The following ARHGEF4 variants were observed in gnomAD, a reference collection of about 807,000 sequenced individuals.
The protein encoded by ARHGEF4 is APC-stimulated guanine nucleotide exchange factor 1.
A neutral mutation model predicts 162.0 loss-of-function variants in ARHGEF4; 119 were observed. The observed-to-expected ratio is 0.73, with a 90% CI of 0.63 to 0.86. ARHGEF4 has a LOEUF of 0.86. Among genes scored for constraint, ARHGEF4 ranks in the 40% least tolerant of loss-of-function variants. ARHGEF4 has a pLI of 0.00. For synonymous variants in ARHGEF4, 1,014 were observed against 979.9 expected (o/e 1.03, Z -0.65); for missense variants, 2,488 against 2,456.0 (o/e 1.01, Z -0.28).
At chr2:130,884,323 C>T (rs1215951054) in intron 1 of ARHGEF4, among the ~76,000 whole-genome samples, 2 of 152,088 alleles carry the variant, frequency 1.3e-5, no homozygotes, top group Non-Finnish European at 2.9e-5. Context: ...CACACACCCA[C>T]ACTATAGTTT....
At chr2:130,911,790 G>T (rs1681206006) in intron 1 of ARHGEF4, among the ~76,000 whole-genome samples, 1 of 152,202 alleles carries the variant, frequency 6.6e-6, no homozygotes, top group African/African-American at 2.4e-5. Flanking sequence ...CAAGACGCCA[G>T]CCCCTGCCTC....
chr2:130,926,522 T>G (rs1380364257), intron 2 of ARHGEF4, among the ~76,000 whole-genome samples: 1 of 152,176 alleles, frequency 6.6e-6, no homozygotes, highest in East Asian at 1.9e-4. Flanking sequence ...AAATCTTGTT[T>G]TGGAAAACCA....
intron 1 of ARHGEF4, among the ~76,000 whole-genome samples, chr2:130,900,255 T>A (rs1680408476): frequency 6.6e-6 from 1 of 152,230 alleles, no homozygotes; most frequent in Admixed American, 6.5e-5. Context: ...GTTATTTAGT[T>A]GTTCTTTATT....
Position 131,028,096 on chromosome 2 carries a change from G to C in ARHGEF4, c.4125+12G>C. The C allele has an allele frequency of 6.2e-7, 1 of 1,613,296 alleles. No homozygotes were observed. Among genetic ancestry groups the C allele is most frequent in the Non-Finnish European group, 8.5e-7 (1 of 1,179,870 alleles). On this transcript the variant is annotated intron_variant, in intron 5 of 13. Coordinates refer to ENST00000409359, the MANE Select transcript of ARHGEF4 (RefSeq NM_001367493.1). ...TGGCTATCAATGAGGTAGGGTCAGGGCTGCACGGGCAGAGGGAGGGACAGG... is the reference window on the plus strand; with the variant it reads ...TGGCTATCAATGAGGTAGGGTCAGGCCTGCACGGGCAGAGGGAGGGACAGG...
chr2:131,032,231 C>G (rs10199727), intron 5 of ARHGEF4, among the ~76,000 whole-genome samples: 12,441 of 151,846 alleles, frequency 0.082, 698 homozygotes, highest in African/African-American at 0.17. Flanking sequence ...GAGCCAGGTC[C>G]GGCCTGGGGA....
At position 130,994,220 on chromosome 2, in the gene ARHGEF4, A is replaced by G. The variant is rs142209932; in HGVS notation, c.3986-33725A>G. On this transcript the variant is annotated intron_variant, in intron 4 of 13. Coordinates refer to ENST00000409359, the MANE Select transcript of ARHGEF4 (RefSeq NM_001367493.1). ...TTATGTGCAACACAACTAGTAATAT[A>G]TTTGGGTTTAAATCTTCCATCTTAA... Among the ~76,000 whole-genome samples, 19 of 152,352 alleles carry G rather than the reference A, an allele frequency of 1.2e-4. No individual in the cohort carries two copies. In the East Asian group the frequency reaches 3.3e-3, roughly 26 times the overall value.
chr2:130,973,501 A>C (rs1018531652), intron 4 of ARHGEF4, among the ~76,000 whole-genome samples: 11 of 152,288 alleles, frequency 7.2e-5, no homozygotes, highest in African/African-American at 2.6e-4. Flanking sequence ...AATAGTAAAT[A>C]AATAAATAAA....
At position 131,040,112 on chromosome 2, in the gene ARHGEF4, G is replaced by T. The variant is rs1302344203; in HGVS notation, c.4402G>T (p.Asp1468Tyr). 2 of 1,612,930 alleles carry T rather than the reference G, an allele frequency of 1.2e-6. No individual in the cohort carries two copies. The highest frequency in any genetic ancestry group is 8.5e-7 in the Non-Finnish European group (1 of 1,179,524). ...DGGAEAQSSK[D>Y]QMRTNVINEI... ...CGGGGCGGAGGCGCAGAGCAGCAAG[G>T]ACCAGATGCGGACCAACGTCATCAA... The change falls in exon 7 of 14, where the codon GAC (aspartate) becomes TAC (tyrosine). Residue 1468 changes from aspartate (D) to tyrosine (Y), a missense_variant. Physicochemically the swap from Asp to Tyr is radical, Grantham distance 160. Transcript: ENST00000409359.
chr2:130,946,591 C>T lies in ARHGEF4; in HGVS notation c.3941C>T (p.Thr1314Met), dbSNP rs201813341. The change falls in exon 4 of 14, where the codon ACG becomes ATG. Residue 1314 changes from threonine (T) to methionine (M), a missense_variant. Transcript: ENST00000409359. The part of the protein sequence containing the change: ...RSHPLSQSAP[T>M]GLNHMGWPEH... ...CATCCACTCTCCCAGAGTGCTCCAACGGGACTGAACCACATGGGCTGGCCA... is the reference window on the plus strand; with the variant it reads ...CATCCACTCTCCCAGAGTGCTCCAATGGGACTGAACCACATGGGCTGGCCA... 5.7e-5 allele frequency: 92 copies of T among 1,614,086 alleles called. 1 individual carries two copies. The Admixed American group carries it at 5.8e-4, about 10-fold the overall frequency.
At chr2:130,885,564 CTTTTTTTTT>C (rs961513941) in intron 1 of ARHGEF4, among the ~76,000 whole-genome samples, 1 of 100,434 alleles carries the variant, frequency 1.0e-5, no homozygotes, top group Non-Finnish European at 1.9e-5. Flanking sequence ...TTTTCTTATT[CTTTTTTTTT>C]TTTTTTTTTT....
chr2:131,040,427 G>C lies in ARHGEF4; in HGVS notation c.4649G>C (p.Cys1550Ser). 6.3e-7 allele frequency: 1 copy of C among 1,591,238 alleles called. No homozygotes were observed. The highest frequency in any genetic ancestry group is 8.6e-7 in the Non-Finnish European group (1 of 1,168,712). The change falls in exon 8 of 14, where the codon TGC becomes TCC. Residue 1550 changes from cysteine (C) to serine (S), a missense_variant. By Grantham distance (112) the Cys-to-Ser change is moderately radical. Coordinates refer to ENST00000409359, the MANE Select transcript of ARHGEF4 (RefSeq NM_001367493.1). ...ERPHLSELGA[C>S]FLEHQADFQI... The stretch of plus-strand genomic sequence containing the variant: ...CCACACCTGAGCGAGCTGGGTGCCT[G>C]CTTCCTGGAGCATGTGAGCGCGCGG...
intron 1 of ARHGEF4, among the ~76,000 whole-genome samples, chr2:130,847,192 C>A (rs1445842699): frequency 1.3e-5 from 2 of 152,238 alleles, no homozygotes; most frequent in Non-Finnish European, 2.9e-5. Flanking sequence ...AGCAGGCTAC[C>A]CTTCCCCTCC....
intron 6 of ARHGEF4, chr2:131,039,299 C>G: frequency 7.9e-7 from 1 of 1,263,994 alleles, no homozygotes; most frequent in Non-Finnish European, 1.0e-6. Context: ...TGCGATACCC[C>G]CGCAACTCCA....
chr2:130,905,060 C>G (rs1289858684), intron 1 of ARHGEF4, among the ~76,000 whole-genome samples: 1 of 152,198 alleles, frequency 6.6e-6, no homozygotes, highest in East Asian at 1.9e-4. Flanking sequence ...GCCTAGGCGA[C>G]AGAGTGAGAC....
chr2:130,884,031 A>G (rs1163741052), intron 1 of ARHGEF4, among the ~76,000 whole-genome samples: 1 of 152,124 alleles, frequency 6.6e-6, no homozygotes, highest in Admixed American at 6.5e-5. Flanking sequence ...CGTCAACATT[A>G]TATATCCTCC....
At chr2:130,909,782 C>T (rs186053591) in intron 1 of ARHGEF4, among the ~76,000 whole-genome samples, 2 of 152,300 alleles carry the variant, frequency 1.3e-5, no homozygotes, top group East Asian at 3.9e-4. Flanking sequence ...ACCCTGGGAG[C>T]AGTGTCCAGA....
chr2:131,041,651 C>T (rs577036549), intron 9 of ARHGEF4, 164 bp from the exon 10 acceptor site: 13 of 1,177,126 alleles, frequency 1.1e-5, no homozygotes, highest in Non-Finnish European at 1.6e-5. Context: ...CTGCTCTGTG[C>T]TTGCCATTTA....
chr2:130,850,841 C>T (rs186575311), intron 1 of ARHGEF4, among the ~76,000 whole-genome samples: 1 of 152,266 alleles, frequency 6.6e-6, no homozygotes, highest in African/African-American at 2.4e-5. Flanking sequence ...ACAAGACCCC[C>T]TCAGATGGCA....
chr2:130,973,535 C>A (rs1375653466), intron 4 of ARHGEF4, among the ~76,000 whole-genome samples: 1 of 152,112 alleles, frequency 6.6e-6, no homozygotes, highest in Non-Finnish European at 1.5e-5. Context: ...TGACTGCTGG[C>A]CCCATACTAG....
Sources: gnomAD v4.1 joint callset for allele counts (sites outside exome capture counted in the v4.1 genomes callset) on GRCh38, gnomAD v4.1.1 for gene constraint, MANE v1.5 for transcripts, NCBI Gene and HGNC (gene_info 2026-07-23, HGNC 2026-07-21) for gene names.